The following RAB31 variants were observed in gnomAD, a reference collection of about 807,000 sequenced individuals.
RAB31 encodes the protein RAB31, member RAS oncogene family.
In RAB31, 21 loss-of-function variants were observed where a neutral mutation model predicts 25.6. The observed-to-expected ratio is 0.82, with a 90% confidence interval of 0.58 to 1.18. The LOEUF (loss-of-function observed/expected upper bound fraction) is 1.18, where lower values mean the gene tolerates loss of function less well. Among genes scored for constraint, RAB31 ranks in the 50% most tolerant of loss-of-function variants. The pLI, the probability that RAB31 is intolerant of heterozygous loss-of-function variation, is 0.00. For missense variants in RAB31, 196 were observed against 250.1 expected, an observed-to-expected ratio of 0.78 and a Z score of 1.46; for synonymous variants, 87 against 84.0, an observed-to-expected ratio of 1.04 and a Z score of -0.20.
chr18:9,815,040 T>C, intron 4 of RAB31, 76 bp from the exon 5 acceptor site: 1 of 1,064,034 alleles, frequency 9.4e-7, no homozygotes, highest in Non-Finnish European at 1.4e-6. Flanking sequence ...TAAATTGTAC[T>C]GGGCTTGTAT....
chr18:9,728,879 A>C (rs2864781), intron 1 of RAB31, among the ~76,000 whole-genome samples: 107,080 of 152,112 alleles, frequency 0.7, 38,112 homozygotes, highest in African/African-American at 0.76. Flanking sequence ...AATATTATAG[A>C]TTAAAAATGA....
intron 1 of RAB31, among the ~76,000 whole-genome samples, chr18:9,722,523 G>T (rs2068078364): frequency 6.6e-6 from 1 of 152,166 alleles, no homozygotes; most frequent in Admixed American, 6.5e-5. Flanking sequence ...GAAGGTCGTT[G>T]GCTTTATAGT....
rs74818731 is a variant in RAB31, at chr18:9,713,060, G to T, written c.39+4616G>T. Among the ~76,000 whole-genome samples the T allele has an allele frequency of 2.0e-5, 3 of 152,308 alleles. No individual in the cohort carries two copies. The South Asian group carries it at 6.2e-4, about 32-fold the overall frequency. On this transcript the variant is annotated intron_variant, in intron 1 of 6. Coordinates refer to ENST00000578921, the MANE Select transcript of RAB31 (RefSeq NM_006868.4). ...CTTGTCTCCCCAGGGACACTAGGACGCAAGAGTAGAACAGATTTATACTCA... is the reference window on the plus strand; with the variant it reads ...CTTGTCTCCCCAGGGACACTAGGACTCAAGAGTAGAACAGATTTATACTCA...
At chr18:9,788,477 A>C (rs560365290) in intron 2 of RAB31, among the ~76,000 whole-genome samples, 1 of 152,378 alleles carries the variant, frequency 6.6e-6, no homozygotes, top group Non-Finnish European at 1.5e-5. Flanking sequence ...TACAGACATT[A>C]TGGAAGACAG....
chr18:9,812,297 C>T (rs187911847), intron 3 of RAB31, among the ~76,000 whole-genome samples: 86 of 152,292 alleles, frequency 5.6e-4, no homozygotes, highest in South Asian at 5.2e-3. Flanking sequence ...CCATAAACAG[C>T]GCAGGGATGT....
rs1162434996 is a variant in RAB31, at chr18:9,708,816, C to T, written c.39+372C>T. Among the ~76,000 whole-genome samples, 1 of 152,140 alleles carries T rather than the reference C, an allele frequency of 6.6e-6. No individual in the cohort carries two copies. Among genetic ancestry groups the T allele is most frequent in the African/African-American group, 2.4e-5 (1 of 41,452 alleles). On this transcript the variant is annotated intron_variant, in intron 1 of 6. Transcript: ENST00000578921. The surrounding 1 kb of genome is among the most constrained non-coding windows in gnomAD (Gnocchi z 6.4). ...CGGATCCGCGGCGACCTCGCGGGGACCCCCAGCGGGGACGGGGCAGTGGCG... is the reference window on the plus strand; with the variant it reads ...CGGATCCGCGGCGACCTCGCGGGGATCCCCAGCGGGGACGGGGCAGTGGCG...
intron 3 of RAB31, among the ~76,000 whole-genome samples, chr18:9,801,462 T>C (rs1418929717): frequency 6.6e-6 from 1 of 152,106 alleles, no homozygotes; most frequent in Non-Finnish European, 1.5e-5. Flanking sequence ...TTTGTATTTT[T>C]AGTAGAGACA....
chr18:9,779,381 A>G (rs937174662), intron 2 of RAB31, among the ~76,000 whole-genome samples: 1 of 152,194 alleles, frequency 6.6e-6, no homozygotes, highest in Non-Finnish European at 1.5e-5. Context: ...TGTTAAACAT[A>G]TTTCTTATAA....
At chr18:9,791,461 G>T (rs1439008285) in intron 2 of RAB31, among the ~76,000 whole-genome samples, 3 of 136,912 alleles carry the variant, frequency 2.2e-5, no homozygotes, top group Admixed American at 7.9e-5. Context: ...GCAGTGGTGC[G>T]ATTTTGGCTC....
intron 5 of RAB31, among the ~76,000 whole-genome samples, chr18:9,837,855 C>T (rs1326519504): frequency 1.3e-5 from 2 of 152,098 alleles, no homozygotes; most frequent in Non-Finnish European, 2.9e-5. Context: ...CCTGTGCTCC[C>T]CTCATGCTTC....
intron 3 of RAB31, among the ~76,000 whole-genome samples, chr18:9,801,766 C>G (rs919237071): frequency 7.2e-5 from 11 of 152,154 alleles, no homozygotes; most frequent in African/African-American, 2.7e-4. Context: ...AACCTAAGGT[C>G]GTAAAGGTTT....
At chr18:9,762,781 G>A (rs949186516) in intron 1 of RAB31, among the ~76,000 whole-genome samples, 2 of 152,104 alleles carry the variant, frequency 1.3e-5, no homozygotes, top group Non-Finnish European at 2.9e-5. Context: ...AGGGGAGGAG[G>A]AGAGAGTGGT....
At chr18:9,726,931 T>C (rs573607691) in intron 1 of RAB31, among the ~76,000 whole-genome samples, 2 of 152,314 alleles carry the variant, frequency 1.3e-5, no homozygotes, top group East Asian at 3.9e-4. Context: ...AAAAAAAAAG[T>C]AACTAGTTGT....
rs397696637 is a variant in RAB31, at chr18:9,800,786, C to CCT, written c.201+8551_201+8552insCT. Among the ~76,000 whole-genome samples the CCT allele has an allele frequency of 5.9e-5, 9 of 151,654 alleles. No homozygotes were observed. In the South Asian group the frequency reaches 6.3e-4, roughly 11 times the overall value. Reference sequence around the variant, plus strand: ...AGTATGTGGAGTATGACCAGCCCCCCTTTTTTTTTATTTAAAAACAGCTTT... The same window carrying CCT: ...AGTATGTGGAGTATGACCAGCCCCCCCTTTTTTTTTTATTTAAAAACAGCTTT... On this transcript the variant is annotated intron_variant, in intron 3 of 6. Coordinates refer to ENST00000578921, the MANE Select transcript of RAB31 (RefSeq NM_006868.4).
intron 1 of RAB31, among the ~76,000 whole-genome samples, chr18:9,732,490 G>C (rs182391863): frequency 6.6e-6 from 1 of 152,294 alleles, no homozygotes; most frequent in Non-Finnish European, 1.5e-5. Flanking sequence ...TCCTCACAAC[G>C]GCCCTGTTAG....
At chr18:9,803,240 C>CTTT (rs60889612) in intron 3 of RAB31, among the ~76,000 whole-genome samples, 1 of 141,654 alleles carries the variant, frequency 7.1e-6, no homozygotes, top group Admixed American at 7.1e-5. Flanking sequence ...TTTTTCCTTT[C>CTTT]TTTTTTTTTT....
intron 5 of RAB31, among the ~76,000 whole-genome samples, chr18:9,841,503 C>T (rs569824192): frequency 2.1e-5 from 3 of 145,668 alleles, no homozygotes; most frequent in Non-Finnish European, 4.5e-5. Flanking sequence ...GGCGCCACTG[C>T]ACTCCAGCCT....
chr18:9,708,323 A>C lies in RAB31; in HGVS notation c.-83A>C. 6 of 1,085,372 alleles carry C rather than the reference A, an allele frequency of 5.5e-6. No homozygotes were observed. Among genetic ancestry groups the C allele is most frequent in the Middle Eastern group, 3.0e-4 (1 of 3,374 alleles). 67.2% of individuals were successfully genotyped at this position (1,085,372 alleles called of 1,614,324 possible). ...CCCGCGGGCGGCGCGAGCGAGGGGC[A>C]GAGGCGAGAGACGCCGGCGGGGCGC... On this transcript the variant is annotated 5_prime_UTR_variant, in exon 1 of 7. Transcript: ENST00000578921. The surrounding 1 kb of genome is among the most constrained non-coding windows in gnomAD (Gnocchi z 6.4).
At chr18:9,803,471 TTC>T (rs2068524260) in intron 3 of RAB31, among the ~76,000 whole-genome samples, 1 of 152,084 alleles carries the variant, frequency 6.6e-6, no homozygotes, top group Non-Finnish European at 1.5e-5. Flanking sequence ...TGACTGTGCT[TTC>T]TACCAATGCA....
Sources: gnomAD v4.1 joint callset for allele counts (sites outside exome capture counted in the v4.1 genomes callset) on GRCh38, gnomAD v4.1.1 for gene constraint, Gnocchi (gnomAD v3.1) non-coding constraint, MANE v1.5 for transcripts, NCBI Gene and HGNC (gene_info 2026-07-23, HGNC 2026-07-21) for gene names.